Variants in IFT81 observed in about 807,000 individuals in gnomAD.
The protein encoded by IFT81 is intraflagellar transport 81.
Under a neutral mutation model 102.6 loss-of-function variants are expected in IFT81, and 72 were observed. That is an observed-to-expected ratio of 0.70 (90% CI 0.58 to 0.85). The LOEUF is 0.85. IFT81 is among the 40% of genes least tolerant of loss of function. The pLI, the probability that IFT81 is intolerant of heterozygous loss-of-function variation, is 0.00. For synonymous variants in IFT81, 237 were observed against 242.7 expected (o/e 0.98, Z 0.22); for missense variants, 723 against 787.3 (o/e 0.92, Z 0.98).
chr12:110,131,080 C>T (rs924567736), intron 4 of IFT81, among the ~76,000 whole-genome samples: 3 of 151,752 alleles, frequency 2.0e-5, no homozygotes, highest in African/African-American at 2.4e-5. Context: ...CTCAGGAGTT[C>T]GAGACCAGCC....
chr12:110,199,752 C>T (rs1304536493), intron 14 of IFT81, among the ~76,000 whole-genome samples: 1 of 152,112 alleles, frequency 6.6e-6, no homozygotes, highest in Non-Finnish European at 1.5e-5. Context: ...GACCCCAGCC[C>T]AGATGCAGTC....
chr12:110,178,916 C>T (rs1313670178), intron 11 of IFT81, among the ~76,000 whole-genome samples: 1 of 151,602 alleles, frequency 6.6e-6, no homozygotes, highest in Non-Finnish European at 1.5e-5. Flanking sequence ...CACATCCAGC[C>T]TTGAATTCCT....
intron 12 of IFT81, among the ~76,000 whole-genome samples, chr12:110,187,731 C>T (rs987376285): frequency 1.3e-5 from 2 of 152,120 alleles, no homozygotes; most frequent in Admixed American, 1.3e-4. Context: ...TTACCTTGAT[C>T]AAGTTGAGGG....
chr12:110,125,886 A>T (rs537315080), intron 1 of IFT81, among the ~76,000 whole-genome samples: 4 of 152,324 alleles, frequency 2.6e-5, no homozygotes, highest in African/African-American at 9.6e-5. Context: ...TAGTGGAAGG[A>T]ATCACTGTTT....
At chr12:110,174,293 A>AT (rs1364614824) in intron 11 of IFT81, among the ~76,000 whole-genome samples, 2 of 148,320 alleles carry the variant, frequency 1.3e-5, no homozygotes, top group Non-Finnish European at 1.5e-5. Context: ...AAAAAAAAAA[A>AT]AAAAAAAAAA....
chr12:110,143,541 C>G lies in IFT81; in HGVS notation c.941C>G (p.Ser314Cys). 6.5e-7 allele frequency: 1 copy of G among 1,542,022 alleles called. No individual in the cohort carries two copies. ...CATTCTGATCTTCTTGAACTTGAAT[C>G]TAAAGTAAGTGAGAATCATCTTTTT... ...MGHSDLLELESKINEINTEIN... is the reference protein window; with the variant it reads ...MGHSDLLELECKINEINTEIN... The change falls in exon 9 of 19, where the codon TCT becomes TGT. Residue 314 changes from serine (S) to cysteine (C), a missense_variant. Coordinates refer to ENST00000242591, the MANE Select transcript of IFT81 (RefSeq NM_014055.4).
intron 14 of IFT81, among the ~76,000 whole-genome samples, chr12:110,199,337 C>G (rs989460563): frequency 4.6e-5 from 7 of 152,072 alleles, no homozygotes; most frequent in Non-Finnish European, 8.8e-5. Context: ...TCCTGGCAGC[C>G]AGGATGGAAG....
intron 10 of IFT81, among the ~76,000 whole-genome samples, chr12:110,154,350 G>A (rs1004300947): frequency 4.9e-4 from 73 of 149,708 alleles, no homozygotes; most frequent in Non-Finnish European, 2.1e-4. Flanking sequence ...AGTATTTTTG[G>A]CCGGGTGCGG....
At position 110,180,404 on chromosome 12, in the gene IFT81, A is replaced by G. The variant is rs1897273858; in HGVS notation, c.1189-18A>G. The G allele has an allele frequency of 6.5e-7, 1 of 1,533,624 alleles. No homozygotes were observed. The highest frequency in any genetic ancestry group is 2.3e-5 in the East Asian group (1 of 44,130). On this transcript the variant is annotated intron_variant, in intron 11 of 18. Transcript: ENST00000242591. Reference sequence around the variant, plus strand: ...TACTTTTCTACTCATTAGATTACATATTGTGTTTTTTTTACAGTTCAAACG... The same window carrying G: ...TACTTTTCTACTCATTAGATTACATGTTGTGTTTTTTTTACAGTTCAAACG...
At chr12:110,201,879 A>G (rs980946993) in intron 14 of IFT81, among the ~76,000 whole-genome samples, 1 of 152,186 alleles carries the variant, frequency 6.6e-6, no homozygotes, top group Non-Finnish European at 1.5e-5. Flanking sequence ...AAGAGCAATA[A>G]CACACATGAA....
intron 11 of IFT81, among the ~76,000 whole-genome samples, chr12:110,173,577 AAAG>A (rs899797693): frequency 9.8e-5 from 15 of 152,326 alleles, no homozygotes; most frequent in African/African-American, 2.2e-4. Flanking sequence ...GTCTGTGTGG[AAAG>A]AAGTAGACAT....
In IFT81 at chr12:110,165,072, C is replaced by T. The variant is rs147686471; in HGVS notation, c.1188+2007C>T. Among the ~76,000 whole-genome samples, 32 of 148,812 alleles carry T rather than the reference C, an allele frequency of 2.2e-4. No homozygotes were observed. The East Asian group carries it at 3.3e-3, about 16-fold the overall frequency. On this transcript the variant is annotated intron_variant, in intron 11 of 18. Coordinates refer to ENST00000242591, the MANE Select transcript of IFT81 (RefSeq NM_014055.4). ...TTGAGAAATCATGGTGAATAGGAGACGGATCCAATGACAGGGAAAAAAAAA... is the reference window on the plus strand; with the variant it reads ...TTGAGAAATCATGGTGAATAGGAGATGGATCCAATGACAGGGAAAAAAAAA...
chr12:110,200,228 A>G (rs771292838), intron 14 of IFT81, among the ~76,000 whole-genome samples: 9 of 152,202 alleles, frequency 5.9e-5, no homozygotes, highest in Admixed American at 2.0e-4. Context: ...TGATTTCATC[A>G]TTGTGCAAAC....
chr12:110,129,123 A>G lies in IFT81; in HGVS notation c.422A>G (p.Asn141Ser), dbSNP rs569507958. The G allele has an allele frequency of 1.5e-4, 245 of 1,591,966 alleles. 2 individuals carry two copies. The South Asian group carries it at 2.5e-3, about 16-fold the overall frequency. Residue 141 changes from asparagine to serine, a missense_variant, in exon 4 of 19, where the codon AAT becomes AGT. Asn to Ser is a conservative substitution (Grantham distance 46). Transcript: ENST00000242591. ...CAGGATGAAACTGTGGCTGACACCA[A>G]TAAACAGGTAAACAATACATAAATG... ...FLQDETVADT[N>S]KQYEELMEAF... is the part of the protein sequence containing the mutation.
intron 10 of IFT81, among the ~76,000 whole-genome samples, chr12:110,149,814 G>A (rs1020182846): frequency 2.6e-5 from 4 of 152,102 alleles, no homozygotes; most frequent in Non-Finnish European, 4.4e-5. Flanking sequence ...TTCTTCAGCC[G>A]ATCTCCTCTT....
At chr12:110,191,346 T>C (rs976634911) in intron 13 of IFT81, among the ~76,000 whole-genome samples, 4 of 152,002 alleles carry the variant, frequency 2.6e-5, no homozygotes, top group Admixed American at 2.0e-4. Flanking sequence ...AATTTTTGTA[T>C]TTTTAGTAGA....
chr12:110,154,958 A>T (rs1022718654), intron 10 of IFT81, among the ~76,000 whole-genome samples: 3 of 152,102 alleles, frequency 2.0e-5, no homozygotes, highest in African/African-American at 7.2e-5. Context: ...TCTATCCATT[A>T]TTGAGACTGA....
At chr12:110,152,029 C>T (rs903454152) in intron 10 of IFT81, among the ~76,000 whole-genome samples, 4 of 152,014 alleles carry the variant, frequency 2.6e-5, no homozygotes, top group Non-Finnish European at 2.9e-5. Flanking sequence ...ATGTATATAC[C>T]ACATTTTCTT....
chr12:110,193,170 TC>T (rs1430602881), intron 14 of IFT81, among the ~76,000 whole-genome samples: 1 of 151,468 alleles, frequency 6.6e-6, no homozygotes, highest in African/African-American at 2.4e-5. Flanking sequence ...CTCCCACCCC[TC>T]CCCCCAAAAA....
Sources: allele counts gnomAD v4.1 joint callset (sites outside exome capture counted in the v4.1 genomes callset), GRCh38; gene constraint gnomAD v4.1.1; transcripts MANE v1.5; gene names NCBI Gene and HGNC (gene_info 2026-07-23, HGNC 2026-07-21).